TJP1: variants seen among roughly 807,000 people sequenced by gnomAD.
TJP1 encodes tight junction protein 1, also known as tight junction protein ZO-1.
A neutral mutation model predicts 194.2 loss-of-function variants in TJP1; 43 were observed. The ratio of observed to expected loss-of-function variants is 0.22; its 90% CI spans 0.17 to 0.29. The LOEUF (loss-of-function observed/expected upper bound fraction) is 0.29, where lower values mean the gene tolerates loss of function less well. Among genes scored for constraint, TJP1 ranks in the 10% least tolerant of loss-of-function variants. The probability of loss-of-function intolerance (pLI) is 1.00; values close to 1 mark genes in which losing one functional copy is unlikely to be tolerated. For missense variants in TJP1, 1,971 were observed against 2,185.7 expected, an observed-to-expected ratio of 0.90 and a Z score of 1.96; for synonymous variants, 801 against 779.0, an observed-to-expected ratio of 1.03 and a Z score of -0.47.
rs539818912 is a variant in TJP1 at position 29,891,646 on chromosome 15, G to A, written c.306+64586C>T. ...TCACAATATTTCAAACTTTTTCATCGTTCTTATATCTGTTGTGGTGATCTG... is the reference window on the plus strand; with the variant it reads ...TCACAATATTTCAAACTTTTTCATCATTCTTATATCTGTTGTGGTGATCTG... On this transcript the variant is annotated intron_variant, in intron 2 of 28. Transcript: ENST00000356107. Among the ~76,000 whole-genome samples, 150 of 152,078 alleles carry A rather than the reference G, an allele frequency of 9.9e-4. 1 individual carries two copies. The highest frequency in any genetic ancestry group is 1.5e-3 in the Non-Finnish European group (103 of 67,996).
chr15:29,831,830 AAG>A (rs1197403473), intron 2 of TJP1, among the ~76,000 whole-genome samples: 2 of 152,182 alleles, frequency 1.3e-5, no homozygotes, highest in Admixed American at 1.3e-4. Context: ...TACTTCAGCA[AAG>A]AGAAAAATAA....
chr15:29,855,800 G>A (rs2051826458), intron 2 of TJP1, among the ~76,000 whole-genome samples: 1 of 151,714 alleles, frequency 6.6e-6, no homozygotes, highest in Non-Finnish European at 1.5e-5. Flanking sequence ...AGGCTTCAGT[G>A]AGCCGAGATA....
At chr15:29,722,357 G>T (rs1329280563) in intron 18 of TJP1, among the ~76,000 whole-genome samples, 1 of 152,214 alleles carries the variant, frequency 6.6e-6, no homozygotes, top group East Asian at 1.9e-4. Context: ...GGCTGTTCTA[G>T]CTCCAGACAT....
At chr15:29,780,175 AT>A (rs1166105028) in intron 2 of TJP1, among the ~76,000 whole-genome samples, 1 of 152,088 alleles carries the variant, frequency 6.6e-6, no homozygotes, top group Non-Finnish European at 1.5e-5. Flanking sequence ...CATTACATTT[AT>A]TGTGTACTTT....
chr15:29,754,927 A>G (rs971799229), intron 8 of TJP1, among the ~76,000 whole-genome samples: 6 of 152,216 alleles, frequency 3.9e-5, no homozygotes, highest in Admixed American at 6.5e-5. Context: ...AATAATATTT[A>G]TAGTTCTCAA....
chr15:29,822,312 A>C lies in TJP1; in HGVS notation c.-284T>G. ...CTCCCGCAGCTTTCGCAGCCCGGCC[A>C]CGTCGGCCTCGCCCGGTCGCCCGCC... is the stretch of plus-strand genomic sequence containing the variant. On this transcript the variant is annotated 5_prime_UTR_variant, in exon 1 of 28. Coordinates refer to ENST00000614355, the MANE Select transcript of TJP1 (RefSeq NM_001330239.4). 1.8e-6 allele frequency: 2 copies of C among 1,109,636 alleles called. No homozygotes were observed. Among genetic ancestry groups the C allele is most frequent in the Non-Finnish European group, 2.2e-6 (2 of 909,442 alleles). 68.7% of individuals were successfully genotyped at this position (1,109,636 alleles called of 1,614,324 possible).
At chr15:29,769,914 T>G (rs926356421) in intron 4 of TJP1, among the ~76,000 whole-genome samples, 1 of 152,204 alleles carries the variant, frequency 6.6e-6, no homozygotes, top group Non-Finnish European at 1.5e-5. Flanking sequence ...TATTTTTTTT[T>G]CTACATGTTA....
chr15:29,849,232 CATTTT>C (rs2051540633), intron 2 of TJP1, among the ~76,000 whole-genome samples: 1 of 152,044 alleles, frequency 6.6e-6, no homozygotes, highest in South Asian at 2.1e-4. Context: ...TGCCACATTT[CATTTT>C]GTGTTATAGT....
chr15:29,700,496 T>A lies in TJP1; in HGVS notation c.*1099A>T, dbSNP rs2041474159. ...ATGTGTCATAGAAACGCTGCTTTATTGCTGCAGAGGTCAAAGTTCAAGGCT... is the reference window on the plus strand; with the variant it reads ...ATGTGTCATAGAAACGCTGCTTTATAGCTGCAGAGGTCAAAGTTCAAGGCT... On this transcript the variant is annotated 3_prime_UTR_variant, in exon 28 of 28. Transcript: ENST00000614355. The A allele has an allele frequency of 7.5e-6, 3 of 398,940 alleles. No individual in the cohort carries two copies. Among genetic ancestry groups the A allele is most frequent in the Non-Finnish European group, 1.3e-5 (3 of 226,032 alleles). 24.7% of individuals were successfully genotyped at this position (398,940 alleles called of 1,614,324 possible).
At position 29,925,626 on chromosome 15, in the gene TJP1, G is replaced by T. The variant is rs1406613767; in HGVS notation, c.306+30606C>A. ...ATACACGCACCCTTTTTTCTAGTAT[G>T]GGCTGTTCTTAAAGGTATGTGTCAC... On this transcript the variant is annotated intron_variant, in intron 2 of 28. Transcript: ENST00000356107. Among the ~76,000 whole-genome samples the T allele has an allele frequency of 4.6e-5, 7 of 152,022 alleles. No individual in the cohort carries two copies. In the East Asian group the frequency reaches 1.4e-3, roughly 29 times the overall value.
At chr15:29,789,681 T>C (rs994583429) in intron 2 of TJP1, among the ~76,000 whole-genome samples, 2 of 152,170 alleles carry the variant, frequency 1.3e-5, no homozygotes, top group African/African-American at 4.8e-5. Context: ...TTTTATAACA[T>C]TACCTCCAAC....
chr15:29,718,681 G>C lies in TJP1; in HGVS notation c.3461C>G (p.Ala1154Gly), dbSNP rs371498072. 70 of 1,614,080 alleles carry C rather than the reference G, an allele frequency of 4.3e-5. No homozygotes were observed. Among genetic ancestry groups the C allele is most frequent in the Non-Finnish European group, 5.4e-5 (64 of 1,180,038 alleles). Residue 1154 changes from alanine (A) to glycine (G), a missense_variant, in exon 21 of 28, where the codon GCC becomes GGC. This residue lies in a region of TJP1 where 1,108 missense variants were observed against 1,128.5 expected (regional missense o/e 0.98). Transcript: ENST00000614355. ...AGCTGGCTGCTCTTCGTGCCGCAGG[G>C]CGGATGCTCTAGGTGCCTGTTCGTA... ...PRYEQAPRAS[A>G]LRHEEQPAPG...
intron 2 of TJP1, among the ~76,000 whole-genome samples, chr15:29,914,970 T>A (rs2054139752): frequency 1.3e-5 from 2 of 152,166 alleles, no homozygotes; most frequent in South Asian, 4.2e-4. Flanking sequence ...GTTTCATTTG[T>A]ACATATTACC....
At chr15:29,720,965 G>A (rs2042894292) in intron 18 of TJP1, among the ~76,000 whole-genome samples, 1 of 152,094 alleles carries the variant, frequency 6.6e-6, no homozygotes, top group Non-Finnish European at 1.5e-5. Context: ...CCAGGGCCCA[G>A]CCCTGGAAGA....
At chr15:29,880,648 G>A (rs541606756) in intron 2 of TJP1, among the ~76,000 whole-genome samples, 2 of 152,192 alleles carry the variant, frequency 1.3e-5, no homozygotes, top group South Asian at 2.1e-4. Context: ...TCTGTTCTAC[G>A]AGATTGACTA....
chr15:29,898,412 G>A (rs944702105), intron 2 of TJP1, among the ~76,000 whole-genome samples: 11 of 152,140 alleles, frequency 7.2e-5, no homozygotes, highest in African/African-American at 2.7e-4. Flanking sequence ...TTTATCTGCA[G>A]CGTGAAAATG....
chr15:29,867,067 T>C (rs1384983787), intron 2 of TJP1, among the ~76,000 whole-genome samples: 2 of 152,214 alleles, frequency 1.3e-5, no homozygotes, highest in South Asian at 2.1e-4. Context: ...GCAGAATCCA[T>C]TGAACTGGAC....
intron 2 of TJP1, among the ~76,000 whole-genome samples, chr15:29,893,607 C>G (rs1412908468): frequency 6.6e-6 from 1 of 152,178 alleles, no homozygotes; most frequent in Non-Finnish European, 1.5e-5. Context: ...CAAGACCTTC[C>G]ACAAGCAACA....
At position 29,718,474 on chromosome 15, in the gene TJP1, A is replaced by G; in HGVS notation, c.3668T>C (p.Val1223Ala). ...CTGAGATGAAGGTATCAGCGGAGGGACAGCTGCAGCACCATGGAGAGGCTC... is the reference window on the plus strand; with the variant it reads ...CTGAGATGAAGGTATCAGCGGAGGGGCAGCTGCAGCACCATGGAGAGGCTC... ...HFEPLHGAAAVPPLIPSSQHK... is the reference protein window; with the variant it reads ...HFEPLHGAAAAPPLIPSSQHK... The change falls in exon 21 of 28, where the codon GTC becomes GCC. Residue 1223 changes from valine to alanine, a missense_variant. By Grantham distance (64) the Val-to-Ala change is moderately conservative. Coordinates refer to ENST00000614355, the MANE Select transcript of TJP1 (RefSeq NM_001330239.4). 6.2e-7 allele frequency: 1 copy of G among 1,614,148 alleles called. No individual in the cohort carries two copies. The highest frequency in any genetic ancestry group is 8.5e-7 in the Non-Finnish European group (1 of 1,180,036).
Sources: allele counts gnomAD v4.1 joint callset (sites outside exome capture counted in the v4.1 genomes callset), GRCh38; gene constraint gnomAD v4.1.1; regional missense constraint gnomAD v4.1.1; transcripts MANE v1.5; gene names NCBI Gene and HGNC (gene_info 2026-07-23, HGNC 2026-07-21).